The following CDKAL1 variants were observed in gnomAD, a reference collection of about 807,000 sequenced individuals.
The protein encoded by CDKAL1 is CDKAL1 threonylcarbamoyladenosine tRNA methylthiotransferase, also known as threonylcarbamoyladenosine tRNA methylthiotransferase.
CDKAL1 carries 32 observed loss-of-function variants against 68.2 expected under a neutral mutation model. The ratio of observed to expected loss-of-function variants is 0.47; its 90% CI spans 0.35 to 0.63. The LOEUF (loss-of-function observed/expected upper bound fraction) is 0.63. Among genes scored for constraint, CDKAL1 ranks in the 30% least tolerant of loss-of-function variants. CDKAL1 has a pLI of 0.00. For synonymous variants in CDKAL1, 234 were observed against 244.3 expected (o/e 0.96, Z 0.39); for missense variants, 606 against 696.7 (o/e 0.87, Z 1.47).
rs114166710 is a variant in CDKAL1, at chr6:20,873,261, G to A, written c.742+27083G>A. ...ATAGATTAGTTGTTCTCAGTCTTTA[G>A]TGTGATAAGAATTACCTAGGAAGCT... is the stretch of plus-strand genomic sequence containing the variant. On this transcript the variant is annotated intron_variant, in intron 9 of 15. Transcript: ENST00000274695. Among the ~76,000 whole-genome samples, 1,147 of 152,282 alleles carry A rather than the reference G, an allele frequency of 7.5e-3. 16 individuals carry two copies. The highest frequency in any genetic ancestry group is 0.026 in the African/African-American group (1,083 of 41,560).
chr6:20,984,176 C>T (rs1488817233), intron 10 of CDKAL1, among the ~76,000 whole-genome samples: 3 of 152,226 alleles, frequency 2.0e-5, no homozygotes, highest in Non-Finnish European at 4.4e-5. Context: ...ATTTATGCTA[C>T]TACTACTGAA....
At chr6:20,866,375 C>T (rs531067280) in intron 9 of CDKAL1, among the ~76,000 whole-genome samples, 1 of 152,052 alleles carries the variant, frequency 6.6e-6, no homozygotes, top group African/African-American at 2.4e-5. Context: ...TAAGGGAAAC[C>T]TATTAGAAAT....
At chr6:20,691,613 G>A (rs1168410900) in intron 5 of CDKAL1, among the ~76,000 whole-genome samples, 1 of 151,996 alleles carries the variant, frequency 6.6e-6, no homozygotes, top group Non-Finnish European at 1.5e-5. Context: ...TCAGGGAGGT[G>A]AGGATAATTG....
intron 5 of CDKAL1, among the ~76,000 whole-genome samples, chr6:20,738,907 A>G (rs1157060214): frequency 6.6e-6 from 1 of 152,224 alleles, no homozygotes; most frequent in African/African-American, 2.4e-5. Context: ...GTTTGTATGT[A>G]CAAAGCACCA....
intron 9 of CDKAL1, among the ~76,000 whole-genome samples, chr6:20,879,437 T>A (rs1760703820): frequency 6.6e-6 from 1 of 152,266 alleles, no homozygotes; most frequent in South Asian, 2.1e-4. Context: ...TATGTAATAG[T>A]CACTTCAACA....
At chr6:21,230,599 C>T (rs929524974) in intron 15 of CDKAL1, among the ~76,000 whole-genome samples, 14 of 152,168 alleles carry the variant, frequency 9.2e-5, no homozygotes, top group Admixed American at 5.2e-4. Flanking sequence ...TCTATAAACA[C>T]GGCCCGTCTT....
intron 13 of CDKAL1, among the ~76,000 whole-genome samples, chr6:21,159,101 C>CTTTTTTTTTT (rs10645059): frequency 7.4e-6 from 1 of 135,808 alleles, no homozygotes. Context: ...CTGAAACCTC[C>CTTTTTTTTTT]TTTTTTTTTT....
intron 8 of CDKAL1, among the ~76,000 whole-genome samples, chr6:20,784,408 A>ATTTATTTTTTTTTT (rs1402113263): frequency 1.7e-4 from 4 of 22,992 alleles, no homozygotes; most frequent in Admixed American, 1.1e-3. Flanking sequence ...CAGATATTTT[A>ATTTATTTTTTTTTT]TTTCTTTTTT....
At chr6:20,695,753 T>A (rs935163250) in intron 5 of CDKAL1, among the ~76,000 whole-genome samples, 11 of 152,200 alleles carry the variant, frequency 7.2e-5, no homozygotes, top group Admixed American at 7.2e-4. Context: ...TTAATTGTAG[T>A]AAAATATACA....
intron 8 of CDKAL1, among the ~76,000 whole-genome samples, chr6:20,834,729 A>G (rs751379817): frequency 1.2e-4 from 19 of 152,320 alleles, no homozygotes; most frequent in Middle Eastern, 3.4e-3. Flanking sequence ...CAACTATAGT[A>G]TAATGTTTAG....
At chr6:20,709,294 A>G (rs2127827754) in intron 5 of CDKAL1, among the ~76,000 whole-genome samples, 1 of 152,088 alleles carries the variant, frequency 6.6e-6, no homozygotes, top group Middle Eastern at 3.4e-3. Context: ...TATTTGTAAT[A>G]CTGTAAGATT....
intron 8 of CDKAL1, among the ~76,000 whole-genome samples, chr6:20,841,084 C>T (rs946393453): frequency 7.9e-5 from 12 of 152,174 alleles, no homozygotes; most frequent in African/African-American, 2.4e-4. Flanking sequence ...ACCCTCTTGC[C>T]TCAGCCTCCC....
chr6:21,154,358 C>T (rs553513611), intron 13 of CDKAL1, among the ~76,000 whole-genome samples: 2 of 152,326 alleles, frequency 1.3e-5, no homozygotes, highest in South Asian at 2.1e-4. Context: ...GCAACTTCAT[C>T]TCTCCCTTAA....
At chr6:20,781,313 A>T (rs1775420424) in intron 8 of CDKAL1, 48 bp downstream of exon 8, 1 of 1,518,894 alleles carries the variant, frequency 6.6e-7, no homozygotes, top group Non-Finnish European at 8.9e-7. Context: ...ATATTTCATG[A>T]ATTCAGTTTT....
intron 12 of CDKAL1, among the ~76,000 whole-genome samples, chr6:21,072,805 T>G (rs1028919552): frequency 2.0e-5 from 3 of 152,058 alleles, no homozygotes; most frequent in African/African-American, 7.2e-5. Context: ...CCAGTACATT[T>G]GTTACAATCA....
chr6:20,586,164 G>A (rs1765346357), intron 4 of CDKAL1, among the ~76,000 whole-genome samples: 1 of 152,130 alleles, frequency 6.6e-6, no homozygotes, highest in Non-Finnish European at 1.5e-5. Context: ...GGCTACCACT[G>A]TGGTCTAAGC....
chr6:20,990,118 C>A (rs1439343039), intron 10 of CDKAL1, among the ~76,000 whole-genome samples: 1 of 152,070 alleles, frequency 6.6e-6, no homozygotes, highest in African/African-American at 2.4e-5. Context: ...TGGCACGTGC[C>A]TGTAGTCCCA....
At chr6:20,653,636 G>A (rs1417199534) in intron 5 of CDKAL1, among the ~76,000 whole-genome samples, 4 of 143,908 alleles carry the variant, frequency 2.8e-5, no homozygotes, top group Non-Finnish European at 6.0e-5. Context: ...TTTTTTTTGA[G>A]AGGGAGTCTC....
intron 9 of CDKAL1, among the ~76,000 whole-genome samples, chr6:20,939,485 G>T (rs1178279627): frequency 6.6e-6 from 1 of 152,168 alleles, no homozygotes; most frequent in Non-Finnish European, 1.5e-5. Context: ...TATCAAAATG[G>T]TTTTTCCTAG....
Sources: allele counts gnomAD v4.1 joint callset (sites outside exome capture counted in the v4.1 genomes callset), GRCh38; gene constraint gnomAD v4.1.1; transcripts MANE v1.5; gene names NCBI Gene and HGNC (gene_info 2026-07-23, HGNC 2026-07-21).